The following PPP3CA variants were observed in gnomAD, a reference collection of about 807,000 sequenced individuals.
PPP3CA encodes CAM-PRP catalytic subunit.
A neutral mutation model predicts 66.5 loss-of-function variants in PPP3CA; 14 were observed. The observed-to-expected ratio is 0.21, with a 90% CI of 0.14 to 0.33. The LOEUF (loss-of-function observed/expected upper bound fraction) is 0.33, where lower values mean the gene tolerates loss of function less well. Ranked by LOEUF, PPP3CA falls within the 10% of genes least tolerant of loss-of-function variation. The pLI, the probability that PPP3CA is intolerant of heterozygous loss-of-function variation, is 1.00. For missense variants in PPP3CA, 317 were observed against 639.5 expected (o/e 0.50, Z 5.44); for synonymous variants, 232 against 226.2 (o/e 1.03, Z -0.23).
At chr4:101,252,548 C>G (rs2110246076) in intron 1 of PPP3CA, among the ~76,000 whole-genome samples, 1 of 152,232 alleles carries the variant, frequency 6.6e-6, no homozygotes, top group South Asian at 2.1e-4. Context: ...CTTCTGCACA[C>G]ATTTATAACT....
At chr4:101,256,409 A>G (rs1726844515) in intron 1 of PPP3CA, among the ~76,000 whole-genome samples, 1 of 152,008 alleles carries the variant, frequency 6.6e-6, no homozygotes, top group Admixed American at 6.6e-5. Context: ...TGCTAATTAC[A>G]TGATGGTACA....
intron 2 of PPP3CA, among the ~76,000 whole-genome samples, chr4:101,184,136 G>A (rs553478572): frequency 6.6e-6 from 1 of 152,216 alleles, no homozygotes; most frequent in Non-Finnish European, 1.5e-5. Flanking sequence ...AACACCACAG[G>A]ATCAACTGAA....
chr4:101,224,011 C>T (rs1473083876), intron 1 of PPP3CA, among the ~76,000 whole-genome samples: 1 of 151,524 alleles, frequency 6.6e-6, no homozygotes, highest in Non-Finnish European at 1.5e-5. Context: ...CTAATTAGCA[C>T]TAATACTCTA....
chr4:101,238,297 A>C (rs775616143), intron 1 of PPP3CA, among the ~76,000 whole-genome samples: 7 of 152,070 alleles, frequency 4.6e-5, no homozygotes, highest in Non-Finnish European at 7.4e-5. Context: ...ATCTTAATTG[A>C]TTTAATACCT....
At chr4:101,088,114 T>C (rs771907600) in intron 6 of PPP3CA, among the ~76,000 whole-genome samples, 1 of 152,130 alleles carries the variant, frequency 6.6e-6, no homozygotes, top group African/African-American at 2.4e-5. Flanking sequence ...CTCACTCAGA[T>C]TGTCTGTCTC....
intron 1 of PPP3CA, among the ~76,000 whole-genome samples, chr4:101,321,972 A>G (rs1302831020): frequency 6.6e-6 from 1 of 152,106 alleles, no homozygotes; most frequent in African/African-American, 2.4e-5. Flanking sequence ...CTTTCCCTCA[A>G]CTCCAATTAA....
At chr4:101,147,233 T>A (rs1722998801) in intron 2 of PPP3CA, among the ~76,000 whole-genome samples, 2 of 152,202 alleles carry the variant, frequency 1.3e-5, no homozygotes. Context: ...TTCAAAGTTT[T>A]TCTTTTATGG....
chr4:101,237,043 C>T (rs2110229756), intron 1 of PPP3CA, among the ~76,000 whole-genome samples: 1 of 149,286 alleles, frequency 6.7e-6, no homozygotes, highest in African/African-American at 2.5e-5. Context: ...TAAAATAATT[C>T]ATATAAAGCA....
At position 101,233,255 on chromosome 4, in the gene PPP3CA, C is replaced by T. The variant is rs185652419; in HGVS notation, c.59-37139G>A. On this transcript the variant is annotated intron_variant, in intron 1 of 13. Transcript: ENST00000394854. ...GCTTGACATTAGAGTGGCCAACCAT[C>T]CTACTTTACACTTTACCTGGGACTA... 2.3e-3 allele frequency among the ~76,000 whole-genome samples: 351 copies of T among 151,842 alleles called. 2 individuals are homozygous for T. Among genetic ancestry groups the T allele is most frequent in the African/African-American group, 8.0e-3 (331 of 41,494 alleles).
intron 1 of PPP3CA, among the ~76,000 whole-genome samples, chr4:101,236,847 T>A (rs1054529208): frequency 6.6e-6 from 1 of 151,762 alleles, no homozygotes; most frequent in Non-Finnish European, 1.5e-5. Context: ...AACAGTATTC[T>A]TTGAATCCCA....
chr4:101,070,279 G>C (rs1352325619), intron 8 of PPP3CA, among the ~76,000 whole-genome samples: 1 of 151,892 alleles, frequency 6.6e-6, no homozygotes, highest in Non-Finnish European at 1.5e-5. Flanking sequence ...TGGGAGAAGA[G>C]GGAAAAAGAG....
chr4:101,149,980 A>T (rs1334768671), intron 2 of PPP3CA, among the ~76,000 whole-genome samples: 1 of 152,156 alleles, frequency 6.6e-6, no homozygotes, highest in East Asian at 1.9e-4. Context: ...AGTGGTCCCA[A>T]AGTCACAGGG....
At chr4:101,204,248 C>T (rs923650441) in intron 1 of PPP3CA, among the ~76,000 whole-genome samples, 5 of 152,178 alleles carry the variant, frequency 3.3e-5, no homozygotes, top group Admixed American at 1.3e-4. Context: ...CTCAAGCAAT[C>T]CTCCTGCCTT....
intron 2 of PPP3CA, among the ~76,000 whole-genome samples, chr4:101,125,807 TTA>T (rs1227829843): frequency 6.6e-6 from 1 of 152,176 alleles, no homozygotes; most frequent in African/African-American, 2.4e-5. Context: ...TGCATAGAAT[TTA>T]TAATAGATTC....
chr4:101,292,775 A>C (rs1175293027), intron 1 of PPP3CA, among the ~76,000 whole-genome samples: 1 of 152,224 alleles, frequency 6.6e-6, no homozygotes, highest in Non-Finnish European at 1.5e-5. Flanking sequence ...GGGTGGATAT[A>C]GCATGTTCCT....
At chr4:101,038,050 C>T (rs915950782) in intron 11 of PPP3CA, among the ~76,000 whole-genome samples, 9 of 152,190 alleles carry the variant, frequency 5.9e-5, no homozygotes, top group Non-Finnish European at 1.0e-4. Flanking sequence ...GTGAAGTCAC[C>T]ACAACCTTGC....
At chr4:101,336,302 G>A (rs1218439043) in intron 1 of PPP3CA, among the ~76,000 whole-genome samples, 1 of 151,830 alleles carries the variant, frequency 6.6e-6, no homozygotes, top group East Asian at 1.9e-4. Flanking sequence ...CGGCCGCAGT[G>A]GCTCACGCCT....
intron 1 of PPP3CA, among the ~76,000 whole-genome samples, chr4:101,285,653 GTT>G (rs1468155952): frequency 9.0e-6 from 1 of 111,606 alleles, no homozygotes; most frequent in Non-Finnish European, 1.9e-5. Context: ...GTGTGTGTGT[GTT>G]TTCTAATACA....
chr4:101,075,653 T>C (rs1268863917), intron 8 of PPP3CA, among the ~76,000 whole-genome samples: 1 of 152,148 alleles, frequency 6.6e-6, no homozygotes, highest in Non-Finnish European at 1.5e-5. Flanking sequence ...CAGAGGTTCA[T>C]TGCAATTTTT....
Sources: gnomAD v4.1 joint callset for allele counts (sites outside exome capture counted in the v4.1 genomes callset) on GRCh38, gnomAD v4.1.1 for gene constraint, MANE v1.5 for transcripts, NCBI Gene and HGNC (gene_info 2026-07-23, HGNC 2026-07-21) for gene names.